Variants in MACROD1 observed in about 807,000 individuals in gnomAD.
MACROD1 encodes the protein mono-ADP ribosylhydrolase 1.
MACROD1 carries 31 observed loss-of-function variants against 41.4 expected under a neutral mutation model. The observed-to-expected ratio is 0.75, with a 90% CI of 0.56 to 1.01. The LOEUF is 1.01. Among genes scored for constraint, MACROD1 ranks in the 50% least tolerant of loss-of-function variants. MACROD1 has a pLI of 0.00. For missense variants in MACROD1, 473 were observed against 460.0 expected, an observed-to-expected ratio of 1.03 and a Z score of -0.26; for synonymous variants, 252 against 203.4, an observed-to-expected ratio of 1.24 and a Z score of -2.03.
intron 3 of MACROD1, chr11:64,117,350 G>C (rs1290451105): frequency 1.2e-6 from 2 of 1,613,916 alleles, no homozygotes; most frequent in Non-Finnish European, 1.7e-6. Flanking sequence ...AGGGCCCTGA[G>C]AAGGTCCGGG....
intron 3 of MACROD1, among the ~76,000 whole-genome samples, chr11:64,018,569 T>C (rs1354255645): frequency 1.3e-5 from 2 of 151,956 alleles, no homozygotes; most frequent in Non-Finnish European, 2.9e-5. Context: ...GCCTCTCAGG[T>C]CTCCCTGCTC....
rs543546427 is a variant in MACROD1 at position 64,050,146 on chromosome 11, C to T, written c.518-34865G>A. Among the ~76,000 whole-genome samples the T allele has an allele frequency of 4.6e-5, 7 of 152,236 alleles. No homozygotes were observed. In the South Asian group the frequency reaches 8.3e-4, roughly 18 times the overall value. On this transcript the variant is annotated intron_variant, in intron 3 of 10. Transcript: ENST00000255681. The stretch of plus-strand genomic sequence containing the variant: ...CCACAGGGAAGCCGGGTGCAGGCTC[C>T]GTCTTCACCCTGCCACTCCCACCTC...
intron 3 of MACROD1, among the ~76,000 whole-genome samples, chr11:64,037,773 G>A (rs779028256): frequency 2.6e-5 from 4 of 152,182 alleles, no homozygotes; most frequent in African/African-American, 4.8e-5. Context: ...GGCAGCTGTG[G>A]CCTGCTGGAC....
chr11:64,137,370 A>G (rs1328907793), intron 3 of MACROD1, among the ~76,000 whole-genome samples: 1 of 152,168 alleles, frequency 6.6e-6, no homozygotes, highest in Non-Finnish European at 1.5e-5. Context: ...CTTGGGGGAG[A>G]TAAAGAATAG....
intron 4 of MACROD1, among the ~76,000 whole-genome samples, chr11:64,007,266 C>T (rs1342306922): frequency 1.3e-5 from 2 of 152,034 alleles, no homozygotes; most frequent in East Asian, 1.9e-4. Flanking sequence ...GTTCTAGGGA[C>T]GGGACACGCG....
chr11:64,126,382 C>T (rs370733457), intron 3 of MACROD1, among the ~76,000 whole-genome samples: 17 of 151,938 alleles, frequency 1.1e-4, no homozygotes, highest in East Asian at 9.7e-4. Context: ...TGTGTGGCGT[C>T]GAAATAGGCT....
chr11:64,160,891 G>A (rs1945743627), intron 1 of MACROD1, among the ~76,000 whole-genome samples: 1 of 151,902 alleles, frequency 6.6e-6, no homozygotes, highest in Non-Finnish European at 1.5e-5. Context: ...AAAGAGTGGG[G>A]GCCGGGATGG....
chr11:64,164,735 C>G (rs879158221), intron 1 of MACROD1, among the ~76,000 whole-genome samples: 1 of 152,012 alleles, frequency 6.6e-6, no homozygotes, highest in Admixed American at 6.5e-5. Context: ...CTGCCCAGCC[C>G]AGAGGCCACA....
chr11:64,034,495 T>C (rs1943336345), intron 3 of MACROD1, among the ~76,000 whole-genome samples: 1 of 150,768 alleles, frequency 6.6e-6, no homozygotes, highest in African/African-American at 2.4e-5. Context: ...AAGGGTGAAG[T>C]GAGGAGGGAG....
intron 3 of MACROD1, among the ~76,000 whole-genome samples, chr11:64,069,547 G>A (rs1944067278): frequency 6.6e-6 from 1 of 152,198 alleles, no homozygotes; most frequent in Non-Finnish European, 1.5e-5. Flanking sequence ...GGGGAGGGAG[G>A]GGCTCTCCCT....
Position 64,082,982 on chromosome 11 carries a change from T to G in MACROD1, c.518-67701A>C, listed in dbSNP as rs1269508838. On this transcript the variant is annotated intron_variant, in intron 3 of 10. Transcript: ENST00000255681. This position sits in a 1 kb window ranked among gnomAD's most constrained non-coding sequence, Gnocchi z 4.5. ...TGCCGTGTGCCATTGGCACCTCCTG[T>G]GTGCCAAGTGCTGGCTTAGTCTCCC... 1 of 152,496 alleles carries G rather than the reference T, an allele frequency of 6.6e-6. No individual in the cohort carries two copies. Among genetic ancestry groups the G allele is most frequent in the African/African-American group, 2.4e-5 (1 of 41,462 alleles). The allele number at this position is 152,496 out of a possible 1,614,324, so 9.4% of individuals were successfully genotyped here. A position where few individuals can be genotyped will look rare whatever the true frequency, so the allele number is the denominator to read the frequency against.
intron 3 of MACROD1, among the ~76,000 whole-genome samples, chr11:64,068,454 GGGCA>G (rs1353407852): frequency 1.3e-5 from 2 of 152,234 alleles, no homozygotes; most frequent in Non-Finnish European, 2.9e-5. Flanking sequence ...AAAAGAGTCT[GGGCA>G]CGGTAAGGGC....
chr11:64,000,845 G>A (rs1233037230), intron 4 of MACROD1, among the ~76,000 whole-genome samples: 1 of 152,124 alleles, frequency 6.6e-6, no homozygotes, highest in East Asian at 1.9e-4. Context: ...TCACGGGGCG[G>A]CGGCAAACCC....
intron 5 of MACROD1, 101 bp downstream of exon 5, chr11:64,000,126 G>A (rs1942795700): frequency 1.1e-6 from 1 of 913,866 alleles, no homozygotes; most frequent in Non-Finnish European, 1.7e-6. Flanking sequence ...GGCCCCCTGA[G>A]GAGTTCCCCA....
intron 3 of MACROD1, among the ~76,000 whole-genome samples, chr11:64,113,603 GTGGATGGATGGATGGATGGATGGA>G (rs138402349): frequency 1.7e-5 from 2 of 117,454 alleles, no homozygotes; most frequent in African/African-American, 6.9e-5. Flanking sequence ...GGATGGTTAG[GTGGATGGATGGATGGATGGATGGA>G]TGGATGGATG....
At chr11:64,071,889 G>A (rs1030042101) in intron 3 of MACROD1, among the ~76,000 whole-genome samples, 23 of 152,208 alleles carry the variant, frequency 1.5e-4, no homozygotes, top group African/African-American at 5.3e-4. Context: ...CCCTGGGAGG[G>A]CGCCTCAAGA....
chr11:64,091,818 C>A (rs901857563), intron 3 of MACROD1, among the ~76,000 whole-genome samples: 1 of 152,190 alleles, frequency 6.6e-6, no homozygotes, highest in East Asian at 1.9e-4. Context: ...ACCCCAGTCC[C>A]CCAGGAGGCT....
chr11:64,108,279 C>G lies in MACROD1; in HGVS notation c.517+42960G>C, dbSNP rs57052719. 4.7e-3 allele frequency among the ~76,000 whole-genome samples: 717 copies of G among 151,268 alleles called. 8 individuals carry two copies. In the East Asian group the frequency reaches 0.057, roughly 12 times the overall value. On this transcript the variant is annotated intron_variant, in intron 3 of 10. Transcript: ENST00000255681. ...GGTGAGCCAAGATCGTACCATTGCA[C>G]TCCAGCCTGGGCAACAAGAGCGAAA...
At chr11:63,999,869 C>T (rs1208986370) in intron 5 of MACROD1, 106 bp from the exon 6 acceptor site, 2 of 1,305,008 alleles carry the variant, frequency 1.5e-6, no homozygotes, top group African/African-American at 2.9e-5. Context: ...ACCTTTCCCC[C>T]CAAGCGCTGA....
Sources: gnomAD v4.1 joint callset for allele counts (sites outside exome capture counted in the v4.1 genomes callset) on GRCh38, gnomAD v4.1.1 for gene constraint, Gnocchi (gnomAD v3.1) non-coding constraint, MANE v1.5 for transcripts, NCBI Gene and HGNC (gene_info 2026-07-23, HGNC 2026-07-21) for gene names.